DCLK3: variants seen among roughly 807,000 people sequenced by gnomAD.
DCLK3 encodes the protein doublecortin like kinase 3.
A neutral mutation model predicts 46.4 loss-of-function variants in DCLK3; 30 were observed. The ratio of observed to expected loss-of-function variants is 0.65; its 90% CI spans 0.48 to 0.88. The LOEUF is 0.88. Among genes scored for constraint, DCLK3 ranks in the 40% least tolerant of loss-of-function variants. The pLI is 0.00. For missense variants in DCLK3, 846 were observed against 907.1 expected, an observed-to-expected ratio of 0.93 and a Z score of 0.87; for synonymous variants, 401 against 339.2, an observed-to-expected ratio of 1.18 and a Z score of -2.00.
At position 36,714,293 on chromosome 3, in the gene DCLK3, C is replaced by T. The variant is rs1559384895; in HGVS notation, c.*1035G>A. ...GGAAGGTAGACGTGAAAAAGCCACA[C>T]TCTTGACTAGATTTTGTGGCCTACT... On this transcript the variant is annotated 3_prime_UTR_variant, in exon 5 of 5. Coordinates refer to ENST00000636136, the MANE Select transcript of DCLK3 (RefSeq NM_001394672.2). 2 of 152,226 alleles carry T rather than the reference C, an allele frequency of 1.3e-5. No individual in the cohort carries two copies. Among genetic ancestry groups the T allele is most frequent in the African/African-American group, 2.4e-5 (1 of 41,456 alleles). The allele number at this position is 152,226 out of a possible 1,614,324, so 9.4% of individuals were successfully genotyped here.
chr3:36,721,108 T>C (rs759147222), intron 3 of DCLK3, among the ~76,000 whole-genome samples: 1 of 152,230 alleles, frequency 6.6e-6, no homozygotes, highest in Non-Finnish European at 1.5e-5. Flanking sequence ...GAAAATGGGA[T>C]CCTTTTCCTT....
chr3:36,755,935 T>C (rs960664143), intron 1 of DCLK3, among the ~76,000 whole-genome samples: 10 of 152,102 alleles, frequency 6.6e-5, no homozygotes, highest in Admixed American at 5.9e-4. Flanking sequence ...AAGACAATAG[T>C]GGTATCCTGG....
Position 36,739,535 on chromosome 3 carries a change from G to A in DCLK3, c.83-451C>T, listed in dbSNP as rs765542279. Among the ~76,000 whole-genome samples the A allele has an allele frequency of 3.3e-4, 51 of 152,302 alleles. 1 individual carries two copies. The highest frequency in any genetic ancestry group is 1.9e-3 in the South Asian group (9 of 4,832). On this transcript the variant is annotated intron_variant, in intron 1 of 4. Coordinates refer to ENST00000636136, the MANE Select transcript of DCLK3 (RefSeq NM_001394672.2). ...TCTGATGGTTACATCAGGGGTTTCC[G>A]CTTTTGCATCTTCCTCATTCTCTCT...
At chr3:36,721,206 G>A (rs1701050082) in intron 3 of DCLK3, among the ~76,000 whole-genome samples, 1 of 152,094 alleles carries the variant, frequency 6.6e-6, no homozygotes, top group African/African-American at 2.4e-5. Context: ...CTTGGGTCAA[G>A]TAGCCTTGCT....
rs372300177 is a variant in DCLK3 at position 36,738,305 on chromosome 3, C to G, written c.862G>C (p.Ala288Pro). ...ACCCCAAGATGCTTCTCTCCCCTTG[C>G]GTGCCTCTCTTCCAGAGTGGCTTCC... Reference protein sequence around the residue: ...PREATLEERHARGEKHLGVEI... With the variant: ...PREATLEERHPRGEKHLGVEI... The change falls in exon 2 of 5, where the codon GCA becomes CCA. Residue 288 changes from alanine (A) to proline (P), a missense_variant. Around this residue, in one of 3 missense-constraint regions of DCLK3, gnomAD observed 553 missense variants for 543.0 expected, o/e 1.02. Coordinates refer to ENST00000636136, the MANE Select transcript of DCLK3 (RefSeq NM_001394672.2). The G allele has an allele frequency of 1.3e-6, 2 of 1,514,690 alleles. No individual in the cohort carries two copies. Among genetic ancestry groups the G allele is most frequent in the Non-Finnish European group, 1.8e-6 (2 of 1,133,984 alleles). 93.8% of individuals were successfully genotyped at this position (1,514,690 alleles called of 1,614,324 possible). A position where few individuals can be genotyped will look rare whatever the true frequency, so the allele number is the denominator to read the frequency against.
intron 2 of DCLK3, among the ~76,000 whole-genome samples, chr3:36,735,777 T>C (rs2125529309): frequency 6.6e-6 from 1 of 152,364 alleles, no homozygotes; most frequent in African/African-American, 2.4e-5. Flanking sequence ...AGTGATAGTC[T>C]CTGCCACTGA....
intron 4 of DCLK3, 120 bp downstream of exon 4, chr3:36,717,890 G>A: frequency 1.5e-6 from 2 of 1,317,422 alleles, no homozygotes; most frequent in Non-Finnish European, 2.1e-6. Context: ...AGGAAGTAAA[G>A]GCTGAGACAT....
At chr3:36,751,507 A>G (rs1701441729) in intron 1 of DCLK3, among the ~76,000 whole-genome samples, 1 of 152,248 alleles carries the variant, frequency 6.6e-6, no homozygotes, top group African/African-American at 2.4e-5. Flanking sequence ...TGAGAAGCCA[A>G]CCTCCTGGGC....
intron 1 of DCLK3, among the ~76,000 whole-genome samples, chr3:36,748,577 C>T (rs140469174): frequency 6.6e-6 from 1 of 152,166 alleles, no homozygotes; most frequent in Non-Finnish European, 1.5e-5. Context: ...ACAGGAGCCA[C>T]AGTGCACATG....
intron 2 of DCLK3, among the ~76,000 whole-genome samples, chr3:36,728,671 C>T (rs530974604): frequency 2.0e-5 from 3 of 152,286 alleles, no homozygotes; most frequent in African/African-American, 7.2e-5. Flanking sequence ...TACTGGTATC[C>T]CAGGGTCTCC....
chr3:36,729,630 G>A (rs1701173269), intron 2 of DCLK3: 1 of 152,166 alleles, frequency 6.6e-6, no homozygotes, highest in African/African-American at 2.4e-5. Flanking sequence ...ATGTGATCTT[G>A]CAATTCTCAT....
chr3:36,764,064 T>C lies in DCLK3; in HGVS notation c.82+118A>G. ...CAGTCCTCCGTACACCCACGCGGGG[T>C]CTGGCACTGCTGCTACATCCCGCAC... On this transcript the variant is annotated intron_variant, in intron 1 of 4. Transcript: ENST00000636136. The surrounding 1 kb of genome is among the most constrained non-coding windows in gnomAD (Gnocchi z 4.9). 1 of 213,798 alleles carries C rather than the reference T, an allele frequency of 4.7e-6. No homozygotes were observed. The highest frequency in any genetic ancestry group is 9.3e-6 in the Non-Finnish European group (1 of 108,010). The allele number at this position is 213,798 out of a possible 1,614,324, so 13.2% of individuals were successfully genotyped here. A position where few individuals can be genotyped will look rare whatever the true frequency, so the allele number is the denominator to read the frequency against.
chr3:36,762,038 A>G (rs988237012), intron 1 of DCLK3, among the ~76,000 whole-genome samples: 1 of 152,196 alleles, frequency 6.6e-6, no homozygotes, highest in African/African-American at 2.4e-5. Context: ...TCCTGGGACA[A>G]CTAAGCAACT....
At chr3:36,716,686 C>G (rs558818355) in intron 4 of DCLK3, among the ~76,000 whole-genome samples, 1 of 152,342 alleles carries the variant, frequency 6.6e-6, no homozygotes, top group South Asian at 2.1e-4. Context: ...TGGATGTGGG[C>G]TTGGGCCATT....
intron 1 of DCLK3, 40 bp from the exon 2 acceptor site, chr3:36,739,124 G>A: frequency 2.5e-6 from 1 of 398,046 alleles, no homozygotes; most frequent in Non-Finnish European, 4.4e-6. Flanking sequence ...AGTTAAGATG[G>A]GTTCAGAGAG....
chr3:36,720,598 C>T (rs567346307), intron 3 of DCLK3, among the ~76,000 whole-genome samples: 3 of 151,830 alleles, frequency 2.0e-5, no homozygotes, highest in South Asian at 2.1e-4. Context: ...TCCACCTCCC[C>T]GGTTCAAGCA....
Position 36,738,322 on chromosome 3 carries a change from G to A in DCLK3, c.845C>T (p.Thr282Ile). The A allele has an allele frequency of 6.6e-7, 1 of 1,510,008 alleles. No individual in the cohort carries two copies. The highest frequency in any genetic ancestry group is 1.4e-5 in the South Asian group (1 of 72,902). The allele number at this position is 1,510,008 out of a possible 1,614,324, so 93.5% of individuals were successfully genotyped here. A position where few individuals can be genotyped will look rare whatever the true frequency, so the allele number is the denominator to read the frequency against. Reference protein sequence around the residue: ...EPSSKPPREATLEERHARGEK... With the variant: ...EPSSKPPREAILEERHARGEK... ...TCCCCTTGCGTGCCTCTCTTCCAGA[G>A]TGGCTTCCCTGGGGGGCTTGCTACT... Residue 282 changes from threonine (T) to isoleucine (I), a missense_variant, in exon 2 of 5, where the codon ACT (threonine) becomes ATT (isoleucine). By Grantham distance (89) the Thr-to-Ile change is moderately conservative (BLOSUM62 -1). Coordinates refer to ENST00000636136, the MANE Select transcript of DCLK3 (RefSeq NM_001394672.2).
At chr3:36,744,034 T>C (rs1277903322) in intron 1 of DCLK3, among the ~76,000 whole-genome samples, 1 of 152,194 alleles carries the variant, frequency 6.6e-6, no homozygotes, top group African/African-American at 2.4e-5. Context: ...GAACATATGG[T>C]TTTGCCTGCT....
At chr3:36,753,656 T>C (rs1330209565) in intron 1 of DCLK3, among the ~76,000 whole-genome samples, 1 of 152,198 alleles carries the variant, frequency 6.6e-6, no homozygotes. Context: ...CAGTTGATTC[T>C]CAGATGCTTT....
Sources: allele counts gnomAD v4.1 joint callset (sites outside exome capture counted in the v4.1 genomes callset), GRCh38; gene constraint gnomAD v4.1.1; regional missense constraint gnomAD v4.1.1; non-coding constraint Gnocchi (gnomAD v3.1); transcripts MANE v1.5; gene names NCBI Gene and HGNC (gene_info 2026-07-23, HGNC 2026-07-21).